The following PALM2AKAP2 variants were observed in gnomAD, a reference collection of about 807,000 sequenced individuals.
PALM2AKAP2 encodes PALM2 and AKAP2 fusion, also known as PALM2-AKAP2 fusion protein.
In PALM2AKAP2, 37 loss-of-function variants were observed where a neutral mutation model predicts 71.5. The ratio of observed to expected loss-of-function variants is 0.52; its 90% CI spans 0.40 to 0.68. The LOEUF (loss-of-function observed/expected upper bound fraction) is 0.68, where lower values mean the gene tolerates loss of function less well. PALM2AKAP2 is among the 30% of genes least tolerant of loss of function. The pLI is 0.00. For synonymous variants in PALM2AKAP2, 468 were observed against 478.8 expected (o/e 0.98, Z 0.29); for missense variants, 1,224 against 1,191.8 (o/e 1.03, Z -0.40).
At chr9:109,731,861 T>C (rs961509752) in intron 1 of PALM2AKAP2, among the ~76,000 whole-genome samples, 1 of 152,114 alleles carries the variant, frequency 6.6e-6, no homozygotes, top group African/African-American at 2.4e-5. Flanking sequence ...GAAGAGAGGG[T>C]AAGATCTGTG....
intron 1 of PALM2AKAP2, among the ~76,000 whole-genome samples, chr9:109,692,649 A>G (rs1827915577): frequency 6.6e-6 from 1 of 151,978 alleles, no homozygotes; most frequent in Non-Finnish European, 1.5e-5. Flanking sequence ...ATAAATGGAT[A>G]TTTAATTTTG....
At chr9:109,666,823 A>G (rs914150830) in intron 1 of PALM2AKAP2, among the ~76,000 whole-genome samples, 1 of 152,248 alleles carries the variant, frequency 6.6e-6, no homozygotes, top group Non-Finnish European at 1.5e-5. Flanking sequence ...AGAATCAGGC[A>G]TAAGAGCCAG....
At chr9:109,726,213 G>T (rs1342369424) in intron 1 of PALM2AKAP2, among the ~76,000 whole-genome samples, 1 of 152,200 alleles carries the variant, frequency 6.6e-6, no homozygotes, top group Non-Finnish European at 1.5e-5. Context: ...CCTGGGCTCA[G>T]TCAATCAGCT....
At chr9:110,035,469 A>T (rs116941153) in intron 7 of PALM2AKAP2, among the ~76,000 whole-genome samples, 17,757 of 143,720 alleles carry the variant, frequency 0.12, 1,448 homozygotes, top group East Asian at 0.29. Context: ...ATGTATATAT[A>T]TGATATGTTG....
intron 1 of PALM2AKAP2, among the ~76,000 whole-genome samples, chr9:109,669,212 C>T (rs1827537723): frequency 6.6e-6 from 1 of 151,974 alleles, no homozygotes; most frequent in South Asian, 2.1e-4. Flanking sequence ...TCTGTATCAT[C>T]TTCAGAATGT....
chr9:110,144,900 G>A (rs1836125929), intron 2 of PALM2AKAP2, among the ~76,000 whole-genome samples: 1 of 152,122 alleles, frequency 6.6e-6, no homozygotes. Flanking sequence ...GTTGCCCAAG[G>A]TCACTCAGCT....
At chr9:110,168,256 C>A in intron 3 of PALM2AKAP2, 143 bp from the exon 11 acceptor site, 1 of 941,792 alleles carries the variant, frequency 1.1e-6, no homozygotes, top group South Asian at 2.3e-5. Flanking sequence ...CTTTTTCCAG[C>A]GTCTCTCCTA....
intron 1 of PALM2AKAP2, among the ~76,000 whole-genome samples, chr9:109,682,760 T>C (rs1827755272): frequency 6.6e-6 from 1 of 152,218 alleles, no homozygotes; most frequent in Non-Finnish European, 1.5e-5. Flanking sequence ...GATAACGTCG[T>C]TGGCGAAGCA....
At chr9:109,799,192 G>A (rs1429014504) in intron 1 of PALM2AKAP2, among the ~76,000 whole-genome samples, 3 of 152,258 alleles carry the variant, frequency 2.0e-5, no homozygotes, top group Non-Finnish European at 4.4e-5. Flanking sequence ...GAGCAGAACA[G>A]TGTCAGGAAG....
At chr9:109,756,857 A>G (rs1311791649) in intron 1 of PALM2AKAP2, among the ~76,000 whole-genome samples, 1 of 152,106 alleles carries the variant, frequency 6.6e-6, no homozygotes, top group African/African-American at 2.4e-5. Context: ...TGATGAGTAC[A>G]TATTTATAGG....
chr9:109,644,510 T>A (rs1455075727), intron 1 of PALM2AKAP2, among the ~76,000 whole-genome samples: 1 of 152,234 alleles, frequency 6.6e-6, no homozygotes, highest in African/African-American at 2.4e-5. Flanking sequence ...ATGATTCTCT[T>A]TGTCTGATGA....
intron 7 of PALM2AKAP2, among the ~76,000 whole-genome samples, chr9:110,019,846 C>A (rs1833041530): frequency 6.6e-6 from 1 of 152,160 alleles, no homozygotes. Context: ...ATACTATGTT[C>A]ACTGTTTGGG....
At chr9:109,799,252 G>T (rs1217096712) in intron 1 of PALM2AKAP2, among the ~76,000 whole-genome samples, 1 of 152,224 alleles carries the variant, frequency 6.6e-6, no homozygotes, top group East Asian at 1.9e-4. Context: ...GAGGTTGATG[G>T]GCAGGGGGTG....
At chr9:109,748,189 T>C (rs1828832155) in intron 1 of PALM2AKAP2, among the ~76,000 whole-genome samples, 1 of 152,166 alleles carries the variant, frequency 6.6e-6, no homozygotes, top group Non-Finnish European at 1.5e-5. Context: ...TTTTTTTAAC[T>C]GTAGCAGAGT....
chr9:109,853,363 C>G (rs1829072282), intron 1 of PALM2AKAP2, among the ~76,000 whole-genome samples: 1 of 152,190 alleles, frequency 6.6e-6, no homozygotes, highest in African/African-American at 2.4e-5. Flanking sequence ...CAGTGTATAG[C>G]TTTCCAATCT....
intron 1 of PALM2AKAP2, among the ~76,000 whole-genome samples, chr9:110,109,515 C>T (rs1478459099): frequency 1.3e-5 from 2 of 152,124 alleles, no homozygotes; most frequent in Non-Finnish European, 2.9e-5. Flanking sequence ...TGACAGCCCA[C>T]AACTGACAAG....
At chr9:109,769,631 T>C (rs894224381) in intron 1 of PALM2AKAP2, among the ~76,000 whole-genome samples, 3 of 152,154 alleles carry the variant, frequency 2.0e-5, no homozygotes, top group Admixed American at 1.3e-4. Context: ...CCAGGCAGGC[T>C]TTTGGAAAGT....
intron 1 of PALM2AKAP2, among the ~76,000 whole-genome samples, chr9:109,660,665 A>C (rs1455243716): frequency 2.0e-5 from 3 of 152,076 alleles, no homozygotes; most frequent in Non-Finnish European, 4.4e-5. Flanking sequence ...ATACGTGTGC[A>C]TGTGTCTTTA....
chr9:110,131,623 C>G (rs1481240568), intron 1 of PALM2AKAP2, among the ~76,000 whole-genome samples: 4 of 152,158 alleles, frequency 2.6e-5, no homozygotes, highest in Admixed American at 1.3e-4. Context: ...GTGTAGTTGC[C>G]AGTGGCTTTG....
Sources: allele counts gnomAD v4.1 joint callset (sites outside exome capture counted in the v4.1 genomes callset), GRCh38; gene constraint gnomAD v4.1.1; transcripts MANE v1.5; gene names NCBI Gene and HGNC (gene_info 2026-07-23, HGNC 2026-07-21).